The following ATG5 variants were observed in gnomAD, a reference collection of about 807,000 sequenced individuals.
ATG5 encodes the protein autophagy protein 5.
A neutral mutation model predicts 36.5 loss-of-function variants in ATG5; 14 were observed. The ratio of observed to expected loss-of-function variants is 0.38; its 90% CI spans 0.25 to 0.60. The LOEUF (loss-of-function observed/expected upper bound fraction) is 0.60. Among genes scored for constraint, ATG5 ranks in the 20% least tolerant of loss-of-function variants. ATG5 has a pLI of 0.60. For synonymous variants in ATG5, 95 were observed against 101.5 expected, an observed-to-expected ratio of 0.94 and a Z score of 0.38; for missense variants, 195 against 326.7, an observed-to-expected ratio of 0.60 and a Z score of 3.11.
chr6:106,299,013 AC>A (rs1770097672), intron 3 of ATG5, among the ~76,000 whole-genome samples: 1 of 152,174 alleles, frequency 6.6e-6, no homozygotes, highest in Non-Finnish European at 1.5e-5. Flanking sequence ...AACCACATAT[AC>A]CCTAAGTAAA....
intron 3 of ATG5, among the ~76,000 whole-genome samples, chr6:106,297,001 T>G (rs546557754): frequency 6.6e-6 from 1 of 152,342 alleles, no homozygotes; most frequent in Non-Finnish European, 1.5e-5. Flanking sequence ...AGCAGTACTC[T>G]AGACTTTAAT....
intron 6 of ATG5, among the ~76,000 whole-genome samples, chr6:106,211,383 G>C (rs530571412): frequency 2.4e-4 from 36 of 152,194 alleles, no homozygotes; most frequent in South Asian, 6.2e-4. Flanking sequence ...CAGGCAGAAT[G>C]TAACAATGAC....
chr6:106,241,920 AAC>A (rs145320838), intron 6 of ATG5, among the ~76,000 whole-genome samples: 2 of 151,452 alleles, frequency 1.3e-5, no homozygotes, highest in African/African-American at 2.4e-5. Context: ...TCTCTACACA[AAC>A]ACACACACAC....
At chr6:106,196,832 C>T (rs1729752203) in intron 7 of ATG5, among the ~76,000 whole-genome samples, 1 of 110,438 alleles carries the variant, frequency 9.1e-6, no homozygotes, top group African/African-American at 2.8e-5. Context: ...CACTCCTTAA[C>T]CACACCCACA....
intron 3 of ATG5, among the ~76,000 whole-genome samples, chr6:106,293,971 T>G (rs762974355): frequency 1.4e-4 from 22 of 152,294 alleles, no homozygotes; most frequent in Non-Finnish European, 2.2e-4. Context: ...TTTCAGCTTT[T>G]TTTTTTTTCT....
intron 5 of ATG5, among the ~76,000 whole-genome samples, chr6:106,265,016 T>C (rs1230672706): frequency 2.6e-5 from 4 of 152,074 alleles, no homozygotes; most frequent in Non-Finnish European, 5.9e-5. Flanking sequence ...GTAAATGGGA[T>C]AAATGCTCCA....
rs188037273 is a variant in ATG5, at chr6:106,316,007, A to G, written c.108+94T>C. 6 of 993,764 alleles carry G rather than the reference A, an allele frequency of 6.0e-6. No homozygotes were observed. In the African/African-American group the frequency reaches 6.6e-5, roughly 11 times the overall value. 61.6% of individuals were successfully genotyped at this position (993,764 alleles called of 1,614,324 possible). A position where few individuals can be genotyped will look rare whatever the true frequency, so the allele number is the denominator to read the frequency against. Reference sequence around the variant, plus strand: ...AAATAAGCATGAATTAGCTGTATCTAAAACGTTACATAATGGCCTCCAAGT... The same window carrying G: ...AAATAAGCATGAATTAGCTGTATCTGAAACGTTACATAATGGCCTCCAAGT... On this transcript the variant is annotated intron_variant, in intron 2 of 7. Transcript: ENST00000369076.
intron 5 of ATG5, among the ~76,000 whole-genome samples, chr6:106,278,872 G>A (rs935507057): frequency 6.6e-5 from 10 of 152,212 alleles, no homozygotes; most frequent in South Asian, 2.1e-4. Flanking sequence ...ATTTATCACC[G>A]ATCATAAGCT....
rs991519385 is a variant in ATG5, at chr6:106,265,561, C to T, written c.478+14100G>A. On this transcript the variant is annotated intron_variant, in intron 5 of 7. Transcript: ENST00000369076. ...TCAACAGAATACACATTCTTCTCAGCACCACATAGCATGTGTATTCTAAAA... is the reference window on the plus strand; with the variant it reads ...TCAACAGAATACACATTCTTCTCAGTACCACATAGCATGTGTATTCTAAAA... Among the ~76,000 whole-genome samples the T allele has an allele frequency of 5.3e-5, 8 of 152,178 alleles. No homozygotes were observed. The East Asian group carries it at 1.5e-3, about 29-fold the overall frequency.
In ATG5 at chr6:106,322,884, AC is replaced by A. The variant is rs1434779953; in HGVS notation, c.-59+2641del. The stretch of plus-strand genomic sequence containing the variant: ...AAATTTAACATATGCAAAACGGAAA[AC>A]CATTTCAGATCTTCCTTCCTCCTCT... On this transcript the variant is annotated intron_variant, in intron 1 of 7. Transcript: ENST00000369076. Among the ~76,000 whole-genome samples the A allele has an allele frequency of 2.0e-5, 3 of 152,154 alleles. No homozygotes were observed. In the East Asian group the frequency reaches 5.8e-4, roughly 29 times the overall value.
At position 106,203,113 on chromosome 6, in the gene ATG5, T is replaced by C. The variant is rs7753219; in HGVS notation, c.574-1024A>G. ...GTAGAGGGTGTATGATTTTAGTAGT[T>C]TCATTATTTCAACTTTTCGATAGGT... is the stretch of plus-strand genomic sequence containing the variant. On this transcript the variant is annotated intron_variant, in intron 6 of 7. Coordinates refer to ENST00000369076, the MANE Select transcript of ATG5 (RefSeq NM_004849.4). 4.3e-3 allele frequency among the ~76,000 whole-genome samples: 649 copies of C among 152,338 alleles called. 5 individuals are homozygous for C. Among genetic ancestry groups the C allele is most frequent in the African/African-American group, 0.015 (617 of 41,578 alleles).
chr6:106,313,133 G>A (rs1770714915), intron 2 of ATG5, among the ~76,000 whole-genome samples: 1 of 152,214 alleles, frequency 6.6e-6, no homozygotes, highest in Admixed American at 6.5e-5. Flanking sequence ...GAAGGCAGAA[G>A]ATAGAGGGCT....
At chr6:106,200,698 T>G in intron 7 of ATG5, among the ~76,000 whole-genome samples, 1 of 152,152 alleles carries the variant, frequency 6.6e-6, no homozygotes, top group East Asian at 1.9e-4. Flanking sequence ...GCCAGGATGG[T>G]CTCGATCTCC....
chr6:106,267,902 G>C (rs999025335), intron 5 of ATG5, among the ~76,000 whole-genome samples: 1 of 152,108 alleles, frequency 6.6e-6, no homozygotes, highest in African/African-American at 2.4e-5. Context: ...AGAAAACATA[G>C]GTAATACCAT....
intron 5 of ATG5, among the ~76,000 whole-genome samples, chr6:106,268,644 A>C (rs2114572548): frequency 6.6e-6 from 1 of 152,370 alleles, no homozygotes; most frequent in Middle Eastern, 3.4e-3. Flanking sequence ...CATCAATGTT[A>C]GACTGGATAG....
At chr6:106,293,255 T>A (rs1780390669) in intron 3 of ATG5, 149 bp from the exon 4 acceptor site, 1 of 661,272 alleles carries the variant, frequency 1.5e-6, no homozygotes, top group Non-Finnish European at 2.6e-6. Flanking sequence ...GTTACGTGCC[T>A]AGGCTAGTAT....
intron 3 of ATG5, among the ~76,000 whole-genome samples, chr6:106,306,220 T>C (rs987983649): frequency 1.3e-5 from 2 of 152,206 alleles, no homozygotes; most frequent in Admixed American, 1.3e-4. Flanking sequence ...GCCAAAATCA[T>C]TGTTTTGCAG....
intron 4 of ATG5, among the ~76,000 whole-genome samples, chr6:106,287,198 T>C (rs1314867938): frequency 6.6e-6 from 1 of 152,206 alleles, no homozygotes; most frequent in Non-Finnish European, 1.5e-5. Context: ...CACAGACCTA[T>C]GTCAACAACA....
rs1022234856 is a variant in ATG5, at chr6:106,319,347, A to T, written c.-58-3081T>A. Among the ~76,000 whole-genome samples, 3 of 152,224 alleles carry T rather than the reference A, an allele frequency of 2.0e-5. 1 individual carries two copies. The highest frequency in any genetic ancestry group is 4.1e-4 in the South Asian group (2 of 4,826). On this transcript the variant is annotated intron_variant, in intron 1 of 7. Coordinates refer to ENST00000369076, the MANE Select transcript of ATG5 (RefSeq NM_004849.4). ...AATTATAGGTATAAAAAAGCTAAAA[A>T]TTTTGCAGTAAACACTGCTAATAAT...
Sources: allele counts gnomAD v4.1 joint callset (sites outside exome capture counted in the v4.1 genomes callset), GRCh38; gene constraint gnomAD v4.1.1; transcripts MANE v1.5; gene names NCBI Gene and HGNC (gene_info 2026-07-23, HGNC 2026-07-21).